Variants in CLYBL observed in about 807,000 individuals in gnomAD.
CLYBL encodes the protein citramalyl-CoA lyase.
Under a neutral mutation model 38.9 loss-of-function variants are expected in CLYBL, and 31 were observed. That is an observed-to-expected ratio of 0.80 (90% CI 0.60 to 1.08). The LOEUF (loss-of-function observed/expected upper bound fraction) is 1.08. Ranked by LOEUF, CLYBL falls within the 50% of genes least tolerant of loss-of-function variation. The pLI, the probability that CLYBL is intolerant of heterozygous loss-of-function variation, is 0.00. For synonymous variants in CLYBL, 171 were observed against 158.6 expected (o/e 1.08, Z -0.59); for missense variants, 434 against 411.6 (o/e 1.05, Z -0.47).
At chr13:99,880,254 G>A (rs531024532) in intron 7 of CLYBL, among the ~76,000 whole-genome samples, 11 of 151,578 alleles carry the variant, frequency 7.3e-5, no homozygotes, top group African/African-American at 1.2e-4. Flanking sequence ...TGGTAGAGAC[G>A]GGGTTTCACC....
intron 1 of CLYBL, among the ~76,000 whole-genome samples, chr13:99,620,796 G>GAA (rs1245879176): frequency 1.4e-5 from 2 of 145,074 alleles, no homozygotes; most frequent in Non-Finnish European, 3.0e-5. Context: ...GAAAGAAAAA[G>GAA]AGAGAGAGAG....
chr13:99,632,102 A>G (rs1271285740), intron 1 of CLYBL, among the ~76,000 whole-genome samples: 2 of 152,202 alleles, frequency 1.3e-5, no homozygotes, highest in East Asian at 3.9e-4. Flanking sequence ...TAGAGGGCAG[A>G]GGTAGAAACT....
At chr13:99,881,182 T>C (rs947384507) in intron 7 of CLYBL, among the ~76,000 whole-genome samples, 2 of 152,194 alleles carry the variant, frequency 1.3e-5, no homozygotes, top group Non-Finnish European at 2.9e-5. Flanking sequence ...AACCATAGAT[T>C]AGCACAATGT....
chr13:99,801,735 G>A (rs1028874682), intron 2 of CLYBL, among the ~76,000 whole-genome samples: 2 of 152,160 alleles, frequency 1.3e-5, no homozygotes, highest in African/African-American at 4.8e-5. Flanking sequence ...AAGAAAACAC[G>A]GCCGGGTGCA....
At chr13:99,695,636 C>A (rs540827364) in intron 1 of CLYBL, among the ~76,000 whole-genome samples, 1 of 152,264 alleles carries the variant, frequency 6.6e-6, no homozygotes, top group Admixed American at 6.5e-5. Flanking sequence ...TCTCCTGCCT[C>A]AGCCTCCCAA....
chr13:99,767,823 G>A (rs140939194), intron 1 of CLYBL, among the ~76,000 whole-genome samples: 37 of 152,132 alleles, frequency 2.4e-4, no homozygotes, highest in African/African-American at 8.9e-4. Flanking sequence ...CTCTTTACTG[G>A]TATTTCCATT....
At chr13:99,678,086 C>A (rs777225813) in intron 1 of CLYBL, among the ~76,000 whole-genome samples, 10 of 152,166 alleles carry the variant, frequency 6.6e-5, no homozygotes, top group Non-Finnish European at 1.0e-4. Flanking sequence ...TGGAAATAGC[C>A]ATGCCAGCCT....
intron 1 of CLYBL, among the ~76,000 whole-genome samples, chr13:99,763,340 T>C (rs931201220): frequency 1.2e-4 from 18 of 152,174 alleles, no homozygotes; most frequent in African/African-American, 3.6e-4. Context: ...AGGTATGTTC[T>C]TCTTATATCT....
At chr13:99,880,641 T>A (rs1002551100) in intron 7 of CLYBL, among the ~76,000 whole-genome samples, 18 of 152,218 alleles carry the variant, frequency 1.2e-4, no homozygotes, top group African/African-American at 4.3e-4. Flanking sequence ...AGCCACAGGC[T>A]ACTGAGAGCC....
chr13:99,867,175 C>T (rs956991622), intron 6 of CLYBL, among the ~76,000 whole-genome samples: 8 of 152,330 alleles, frequency 5.3e-5, no homozygotes, highest in African/African-American at 1.4e-4. Context: ...GGGAAAAACA[C>T]AGTGCACTCC....
At chr13:99,617,338 T>C (rs76147483) in intron 1 of CLYBL, among the ~76,000 whole-genome samples, 4,913 of 152,286 alleles carry the variant, frequency 0.032, 116 homozygotes, top group Non-Finnish European at 0.049. Flanking sequence ...TTAAAGTTTA[T>C]ATGGTCATTA....
chr13:99,664,482 AT>A (rs764091544), intron 1 of CLYBL, among the ~76,000 whole-genome samples: 6 of 152,240 alleles, frequency 3.9e-5, no homozygotes, highest in Non-Finnish European at 8.8e-5. Flanking sequence ...TTTTTGCTCT[AT>A]AAAAATATTA....
intron 2 of CLYBL, among the ~76,000 whole-genome samples, chr13:99,808,845 C>A (rs985837237): frequency 6.6e-6 from 1 of 152,196 alleles, no homozygotes; most frequent in Non-Finnish European, 1.5e-5. Flanking sequence ...TGCCTTCATA[C>A]ATCAAATTTC....
At chr13:99,818,624 AT>A (rs1196012469) in intron 2 of CLYBL, among the ~76,000 whole-genome samples, 1 of 152,190 alleles carries the variant, frequency 6.6e-6, no homozygotes. Context: ...TTGCGAAGTC[AT>A]TTTAACCTCT....
chr13:99,658,225 T>G (rs2047357419), intron 1 of CLYBL, among the ~76,000 whole-genome samples: 1 of 152,204 alleles, frequency 6.6e-6, no homozygotes, highest in African/African-American at 2.4e-5. Context: ...CCTCCTACCC[T>G]TTTTGGCACC....
At chr13:99,884,617 T>C (rs1213110840) in intron 7 of CLYBL, among the ~76,000 whole-genome samples, 2 of 152,240 alleles carry the variant, frequency 1.3e-5, no homozygotes, top group Admixed American at 6.5e-5. Flanking sequence ...GCCATTAGAC[T>C]GGAAGCCCTG....
At chr13:99,660,494 A>T (rs2047393748) in intron 1 of CLYBL, among the ~76,000 whole-genome samples, 1 of 152,188 alleles carries the variant, frequency 6.6e-6, no homozygotes, top group African/African-American at 2.4e-5. Flanking sequence ...CAATGCAGGG[A>T]TGCATTTAGA....
chr13:99,759,765 T>C (rs1018602793), intron 1 of CLYBL, among the ~76,000 whole-genome samples: 5 of 152,230 alleles, frequency 3.3e-5, no homozygotes, highest in Non-Finnish European at 5.9e-5. Context: ...AGCTGTTATG[T>C]TGCTTCTCAT....
chr13:99,871,223 A>G (rs1323304288), intron 7 of CLYBL, among the ~76,000 whole-genome samples, 161 bp downstream of exon 7: 3 of 152,196 alleles, frequency 2.0e-5, no homozygotes, highest in African/African-American at 2.4e-5. Flanking sequence ...ATTGCTTGAG[A>G]TAGATTTGCC....
Sources: gnomAD v4.1 joint callset for allele counts (sites outside exome capture counted in the v4.1 genomes callset) on GRCh38, gnomAD v4.1.1 for gene constraint, MANE v1.5 for transcripts, NCBI Gene and HGNC (gene_info 2026-07-23, HGNC 2026-07-21) for gene names.